Variants in EDEM3 observed in about 807,000 individuals in gnomAD.
EDEM3 encodes the protein ER degradation-enhancing alpha-mannosidase-like protein 3.
A neutral mutation model predicts 110.2 loss-of-function variants in EDEM3; 60 were observed. The ratio of observed to expected loss-of-function variants is 0.54; its 90% confidence interval spans 0.44 to 0.67. The LOEUF is 0.67. Ranked by LOEUF, EDEM3 falls within the 30% of genes least tolerant of loss-of-function variation. EDEM3 has a pLI of 0.00. For missense variants in EDEM3, 996 were observed against 1,121.0 expected, an observed-to-expected ratio of 0.89 and a Z score of 1.59; for synonymous variants, 352 against 382.9, an observed-to-expected ratio of 0.92 and a Z score of 0.94.
rs745439090 is a variant in EDEM3, at chr1:184,706,664, C to T, written c.2182G>A (p.Ala728Thr). 1 of 1,612,848 alleles carries T rather than the reference C, an allele frequency of 6.2e-7. No homozygotes were observed. The highest frequency in any genetic ancestry group is 8.5e-7 in the Non-Finnish European group (1 of 1,179,196). ...TTACCAATAACAATGCCACCAATGG[C>T]TCCAGCATTCTGGATGTTGCGTGCC... ...EKARNIQNAG[A>T]IGGIVIDDNE... The change falls in exon 18 of 20, where the codon GCC becomes ACC. Residue 728 changes from alanine (A) to threonine (T), a missense_variant. Physicochemically the swap from Ala to Thr is moderately conservative, Grantham distance 58. Transcript: ENST00000318130.
At chr1:184,748,163 C>T (rs1181332932) in intron 2 of EDEM3, among the ~76,000 whole-genome samples, 1 of 151,874 alleles carries the variant, frequency 6.6e-6, no homozygotes, top group Non-Finnish European at 1.5e-5. Flanking sequence ...AATTAAAAAA[C>T]AGAACGGGTG....
At chr1:184,714,186 T>C (rs1356436495) in intron 13 of EDEM3, among the ~76,000 whole-genome samples, 1 of 152,168 alleles carries the variant, frequency 6.6e-6, no homozygotes, top group Non-Finnish European at 1.5e-5. Context: ...TTTGTAAACA[T>C]TTAGAAAAGA....
Position 184,723,791 on chromosome 1 carries a change from G to T in EDEM3, c.813C>A (p.Gly271=). 6.3e-7 allele frequency: 1 copy of T among 1,591,490 alleles called. No homozygotes were observed. Among genetic ancestry groups the T allele is most frequent in the Non-Finnish European group, 8.5e-7 (1 of 1,172,764 alleles). ...CTCCAGTATGAATATTTATAGTCAC[G>T]CCCACTAAATTACTACTTCGCTGTC... ...EKRQRSSNLV[G]VTINIHTGDW... Residue 271 remains glycine, a synonymous_variant, in exon 8 of 20, where the codon GGC becomes GGA. Transcript: ENST00000318130.
chr1:184,719,708 T>TA (rs1650774974), intron 9 of EDEM3, 140 bp from the exon 10 acceptor site: 4 of 842,874 alleles, frequency 4.7e-6, no homozygotes, highest in Admixed American at 6.8e-5. Context: ...ATATAAATAT[T>TA]TAAGTTATTT....
At chr1:184,697,107 ATAGT>A (rs1191948062) in intron 19 of EDEM3, among the ~76,000 whole-genome samples, 51 of 152,050 alleles carry the variant, frequency 3.4e-4, no homozygotes, top group Admixed American at 2.7e-3. Flanking sequence ...GTAACAATAA[ATAGT>A]TAAAATATAA....
At chr1:184,714,568 G>T (rs759850434) in intron 13 of EDEM3, among the ~76,000 whole-genome samples, 1 of 152,140 alleles carries the variant, frequency 6.6e-6, no homozygotes, top group Non-Finnish European at 1.5e-5. Context: ...CACATGCAAA[G>T]AGCCTGTAAC....
rs568611222 is a variant in EDEM3 at position 184,706,293 on chromosome 1, C to G, written c.2203+350G>C. Among the ~76,000 whole-genome samples the G allele has an allele frequency of 1.4e-3, 220 of 152,190 alleles. 1 individual carries two copies. The highest frequency in any genetic ancestry group is 2.3e-3 in the East Asian group (12 of 5,176). On this transcript the variant is annotated intron_variant, in intron 18 of 19. Coordinates refer to ENST00000318130, the MANE Select transcript of EDEM3 (RefSeq NM_025191.4). ...GAGTAATGGAAATTTTCAATGGCTC[C>G]CCACTGGACGTGGCACAGTGTAATT...
At position 184,754,677 on chromosome 1, in the gene EDEM3, T is replaced by C. The variant is rs1462440416; in HGVS notation, c.-31A>G. 2 of 1,511,128 alleles carry C rather than the reference T, an allele frequency of 1.3e-6. No individual in the cohort carries two copies. The highest frequency in any genetic ancestry group is 1.8e-6 in the Non-Finnish European group (2 of 1,131,708). The allele number at this position is 1,511,128 out of a possible 1,614,324, so 93.6% of individuals were successfully genotyped here. On this transcript the variant is annotated 5_prime_UTR_variant, in exon 1 of 20. It removes the in-frame stop codon of an upstream open reading frame in the 5' UTR. Transcript: ENST00000318130. ...CGCGGTTCCGCGCACGCGCAGCTGCTACGCCCGGCCGGTGAGACACATTGC... is the reference window on the plus strand; with the variant it reads ...CGCGGTTCCGCGCACGCGCAGCTGCCACGCCCGGCCGGTGAGACACATTGC...
intron 4 of EDEM3, among the ~76,000 whole-genome samples, chr1:184,735,230 T>C (rs1233843457): frequency 6.6e-6 from 1 of 152,222 alleles, no homozygotes. Flanking sequence ...ATTTCTGAGC[T>C]TGTTCCTTCA....
chr1:184,703,012 A>G lies in EDEM3; in HGVS notation c.2204-16T>C. 1 of 1,577,310 alleles carries G rather than the reference A, an allele frequency of 6.3e-7. No individual in the cohort carries two copies. Among genetic ancestry groups the G allele is most frequent in the Non-Finnish European group, 8.6e-7 (1 of 1,163,314 alleles). The stretch of plus-strand genomic sequence containing the variant: ...TCATTGTCATCTAGCCAGAAAATAA[A>G]TACAGCAAACATCAAAATATCCAGC... On this transcript the variant is annotated splice_polypyrimidine_tract_variant and intron_variant, in intron 18 of 19. Transcript: ENST00000318130.
At chr1:184,712,650 C>T (rs756738169) in intron 13 of EDEM3, 52 bp from the exon 14 acceptor site, 2 of 1,247,730 alleles carry the variant, frequency 1.6e-6, no homozygotes, top group Non-Finnish European at 2.2e-6. Context: ...AATTTAAATG[C>T]CAACTATATG....
chr1:184,747,052 T>G (rs775101166), intron 2 of EDEM3, among the ~76,000 whole-genome samples: 21 of 152,054 alleles, frequency 1.4e-4, no homozygotes, highest in Non-Finnish European at 2.4e-4. Flanking sequence ...TACTTCATCT[T>G]CACAAGAATT....
chr1:184,714,381 A>G (rs1650427058), intron 13 of EDEM3, among the ~76,000 whole-genome samples: 2 of 152,222 alleles, frequency 1.3e-5, no homozygotes, highest in Admixed American at 1.3e-4. Flanking sequence ...GTTAGGGGAC[A>G]GTGTCTTAGC....
At chr1:184,736,213 C>T (rs754343642) in intron 4 of EDEM3, among the ~76,000 whole-genome samples, 1 of 151,802 alleles carries the variant, frequency 6.6e-6, no homozygotes, top group Non-Finnish European at 1.5e-5. Flanking sequence ...ACAAGTGAAC[C>T]TCTTAAGCTG....
Position 184,754,632 on chromosome 1 carries a change from G to A in EDEM3, c.15C>T (p.Gly5=), listed in dbSNP as rs1330176844. Residue 5 remains glycine (G), a synonymous_variant, in exon 1 of 20, where the codon GGC becomes GGT. Transcript: ENST00000318130. MSEA[G]GRGCGSPVPQ... ...GAACCGGGGACCCACAGCCCCGGCC[G>A]CCGGCTTCGCTCATGGCCCCGCGGT... is the stretch of plus-strand genomic sequence containing the variant. 6.3e-7 allele frequency: 1 copy of A among 1,584,250 alleles called. No homozygotes were observed.
rs780020267 is a variant in EDEM3, at chr1:184,690,848, G to A, written c.*3215C>T. 2.6e-5 allele frequency: 4 copies of A among 151,964 alleles called. No individual in the cohort carries two copies. The highest frequency in any genetic ancestry group is 1.3e-4 in the Admixed American group (2 of 15,228). 9.4% of individuals were successfully genotyped at this position (151,964 alleles called of 1,614,324 possible). The stretch of plus-strand genomic sequence containing the variant: ...CTGAAGCCTTGTGCATAAAACGACC[G>A]GCTGGAATATTTACTAAATTCTACC... On this transcript the variant is annotated 3_prime_UTR_variant, in exon 20 of 20. Transcript: ENST00000318130.
chr1:184,706,216 G>C (rs887907505), intron 18 of EDEM3, among the ~76,000 whole-genome samples: 6 of 152,112 alleles, frequency 3.9e-5, no homozygotes, highest in Non-Finnish European at 8.8e-5. Flanking sequence ...TTTTGTGGTA[G>C]AGCCAGGAAC....
At chr1:184,707,281 T>C (rs1231027297) in intron 17 of EDEM3, among the ~76,000 whole-genome samples, 3 of 152,206 alleles carry the variant, frequency 2.0e-5, no homozygotes, top group Non-Finnish European at 4.4e-5. Flanking sequence ...TTAGTCTATA[T>C]GAATCTGCAA....
chr1:184,739,670 A>G (rs1436834496), intron 2 of EDEM3, among the ~76,000 whole-genome samples: 1 of 151,954 alleles, frequency 6.6e-6, no homozygotes, highest in Admixed American at 6.6e-5. Flanking sequence ...GATTACTGGG[A>G]TTTTTGTTAT....
Sources: allele counts gnomAD v4.1 joint callset (sites outside exome capture counted in the v4.1 genomes callset), GRCh38; gene constraint gnomAD v4.1.1; transcripts MANE v1.5; gene names NCBI Gene and HGNC (gene_info 2026-07-23, HGNC 2026-07-21).